VNN1: variants seen among roughly 807,000 people sequenced by gnomAD.
VNN1 encodes vanin 1.
VNN1 carries 29 observed loss-of-function variants against 41.9 expected under a neutral mutation model. The observed-to-expected ratio is 0.69, with a 90% CI of 0.52 to 0.94. The LOEUF (loss-of-function observed/expected upper bound fraction) is 0.94. VNN1 is among the 40% of genes least tolerant of loss of function. The probability of loss-of-function intolerance (pLI) is 0.00; values close to 1 mark genes in which losing one functional copy is unlikely to be tolerated. For missense variants in VNN1, 637 were observed against 621.1 expected (o/e 1.03, Z -0.27); for synonymous variants, 233 against 224.4 (o/e 1.04, Z -0.34).
At chr6:132,689,974 T>C (rs73559747) in intron 5 of VNN1, among the ~76,000 whole-genome samples, 4,237 of 152,272 alleles carry the variant, frequency 0.028, 195 homozygotes, top group African/African-American at 0.097. Flanking sequence ...TTGCCAGAAA[T>C]CTGCCACATT....
Position 132,713,987 on chromosome 6 carries a change from A to G in VNN1, c.49T>C (p.Ser17Pro). ...AYVAILLFYV[S>P]RASCQDTFTA... ...AAAGTGTCCTGGCAGCTGGCTCTTGAGACATAGAAAAGCAAAATTGCCACG... is the reference window on the plus strand; with the variant it reads ...AAAGTGTCCTGGCAGCTGGCTCTTGGGACATAGAAAAGCAAAATTGCCACG... The change falls in exon 1 of 7, where the codon TCA becomes CCA. Residue 17 changes from serine to proline, a missense_variant. Physicochemically the swap from Ser to Pro is moderately conservative, Grantham distance 74. Coordinates refer to ENST00000367928, the MANE Select transcript of VNN1 (RefSeq NM_004666.3). 6.2e-7 allele frequency: 1 copy of G among 1,614,118 alleles called. No homozygotes were observed. Among genetic ancestry groups the G allele is most frequent in the African/African-American group, 1.3e-5 (1 of 75,036 alleles).
rs569304345 is a variant in VNN1 at position 132,711,522 on chromosome 6, G to A, written c.341+187C>T. 7.9e-5 allele frequency among the ~76,000 whole-genome samples: 12 copies of A among 152,260 alleles called. No individual in the cohort carries two copies. The South Asian group carries it at 2.5e-3, about 32-fold the overall frequency. Reference sequence around the variant, plus strand: ...GTGATGATTTCTAAGCTACTTTCTAGCTCTGACTTCTGTGACTTCATAATT... The same window carrying A: ...GTGATGATTTCTAAGCTACTTTCTAACTCTGACTTCTGTGACTTCATAATT... On this transcript the variant is annotated intron_variant, in intron 2 of 6. Transcript: ENST00000367928.
chr6:132,692,792 T>C (rs1260254707), intron 4 of VNN1, among the ~76,000 whole-genome samples: 1 of 152,110 alleles, frequency 6.6e-6, no homozygotes, highest in Non-Finnish European at 1.5e-5. Flanking sequence ...GGGAGAGTTG[T>C]ATGTAAGAAG....
Position 132,682,947 on chromosome 6 carries a change from G to GT in VNN1, c.*192dup. 1 of 404,056 alleles carries GT rather than the reference G, an allele frequency of 2.5e-6. No individual in the cohort carries two copies. Among genetic ancestry groups the GT allele is most frequent in the Non-Finnish European group, 4.2e-6 (1 of 240,848 alleles). 25.0% of individuals were successfully genotyped at this position (404,056 alleles called of 1,614,324 possible). A position where few individuals can be genotyped will look rare whatever the true frequency, so the allele number is the denominator to read the frequency against. The stretch of plus-strand genomic sequence containing the variant: ...CAAGAAAGACCAATGTTCAAATATA[G>GT]TTTTTTAAATAAAATCTACATTAAC... On this transcript the variant is annotated 3_prime_UTR_variant, in exon 7 of 7. Transcript: ENST00000367928.
intron 2 of VNN1, among the ~76,000 whole-genome samples, chr6:132,708,413 A>G (rs1238450281): frequency 6.6e-6 from 1 of 152,204 alleles, no homozygotes; most frequent in East Asian, 1.9e-4. Flanking sequence ...CTGGAACGAT[A>G]TGACATATAA....
chr6:132,702,933 C>A (rs1191047732), intron 2 of VNN1, among the ~76,000 whole-genome samples: 1 of 152,106 alleles, frequency 6.6e-6, no homozygotes. Context: ...CAGGTGTGAC[C>A]CAGCACATTC....
At position 132,683,272 on chromosome 6, in the gene VNN1, G is replaced by T. The variant is rs546769570; in HGVS notation, c.1410C>A (p.Val470=). The T allele has an allele frequency of 1.2e-6, 2 of 1,614,048 alleles. No homozygotes were observed. The highest frequency in any genetic ancestry group is 2.2e-5 in the South Asian group (2 of 91,080). ...ACCTCCCAAACAGAGTTACTGTTAA[G>T]ACAGGTCCGGATGTTGGCTTCAGAC... ...LFSLKPTSGP[V]LTVTLFGRLY... is the part of the protein sequence containing the mutation. Residue 470 remains valine, a synonymous_variant, in exon 7 of 7, where the codon GTC becomes GTA. Coordinates refer to ENST00000367928, the MANE Select transcript of VNN1 (RefSeq NM_004666.3).
intron 2 of VNN1, among the ~76,000 whole-genome samples, chr6:132,708,265 C>T (rs1249360751): frequency 6.6e-6 from 1 of 152,284 alleles, no homozygotes; most frequent in Admixed American, 6.5e-5. Flanking sequence ...TACTTAACAT[C>T]CAGTTGTAAT....
intron 2 of VNN1, among the ~76,000 whole-genome samples, chr6:132,704,460 C>A (rs1008466557): frequency 6.6e-6 from 1 of 151,972 alleles, no homozygotes; most frequent in African/African-American, 2.4e-5. Context: ...TCCTGAATTA[C>A]CAGCAGGTTA....
At chr6:132,711,544 A>G (rs554705333) in intron 2 of VNN1, among the ~76,000 whole-genome samples, 165 bp downstream of exon 2, 1 of 152,328 alleles carries the variant, frequency 6.6e-6, no homozygotes, top group Admixed American at 6.5e-5. Context: ...GTGACTTCAT[A>G]ATTCATATTT....
intron 6 of VNN1, among the ~76,000 whole-genome samples, chr6:132,683,523 C>A (rs1175118759): frequency 6.6e-6 from 1 of 152,066 alleles, no homozygotes; most frequent in Non-Finnish European, 1.5e-5. Context: ...GTGAGATGCC[C>A]GTAATCAATG....
At chr6:132,710,313 G>T (rs1778580946) in intron 2 of VNN1, among the ~76,000 whole-genome samples, 1 of 152,128 alleles carries the variant, frequency 6.6e-6, no homozygotes, top group Non-Finnish European at 1.5e-5. Context: ...GCCTCCCAAA[G>T]TGTTGGAATT....
At chr6:132,684,302 T>A in intron 6 of VNN1, 33 bp downstream of exon 6, 1 of 1,590,606 alleles carries the variant, frequency 6.3e-7, no homozygotes, top group Non-Finnish European at 8.6e-7. Flanking sequence ...TCCTCTTACA[T>A]GAAACTAATT....
intron 2 of VNN1, among the ~76,000 whole-genome samples, chr6:132,710,601 T>C (rs566974648): frequency 6.6e-6 from 1 of 152,264 alleles, no homozygotes; most frequent in East Asian, 1.9e-4. Flanking sequence ...CAACTCCCAC[T>C]TATGAGCGAG....
rs368050200 is a variant in VNN1 at position 132,691,881 on chromosome 6, G to A, written c.1188+342C>T. Among the ~76,000 whole-genome samples, 7 of 151,896 alleles carry A rather than the reference G, an allele frequency of 4.6e-5. No homozygotes were observed. In the East Asian group the frequency reaches 5.8e-4, roughly 13 times the overall value. ...AAATTAGCCAGGCATGGTGGCACTC[G>A]CCTGTAGTCCCAGCTACTTGGGAGG... On this transcript the variant is annotated intron_variant, in intron 5 of 6. Coordinates refer to ENST00000367928, the MANE Select transcript of VNN1 (RefSeq NM_004666.3).
rs555317883 is a variant in VNN1, at chr6:132,698,228, A to G, written c.342-4046T>C. On this transcript the variant is annotated intron_variant, in intron 2 of 6. Coordinates refer to ENST00000367928, the MANE Select transcript of VNN1 (RefSeq NM_004666.3). ...GGCACAGAAGGAGGAGGTGAAAGAG[A>G]ATAATTGAAATGCATTTTCTAAGGC... Among the ~76,000 whole-genome samples, 4 of 152,368 alleles carry G rather than the reference A, an allele frequency of 2.6e-5. No homozygotes were observed. The East Asian group carries it at 5.8e-4, about 22-fold the overall frequency.
At chr6:132,695,909 T>G (rs1778363631) in intron 2 of VNN1, among the ~76,000 whole-genome samples, 1 of 151,974 alleles carries the variant, frequency 6.6e-6, no homozygotes, top group Non-Finnish European at 1.5e-5. Flanking sequence ...TGTGATAAGA[T>G]TCAAATGTCT....
intron 5 of VNN1, among the ~76,000 whole-genome samples, chr6:132,691,005 A>T (rs1381048653): frequency 6.6e-6 from 1 of 152,194 alleles, no homozygotes; most frequent in East Asian, 1.9e-4. Flanking sequence ...CTCGCCACGG[A>T]TAAAGGACCA....
intron 2 of VNN1, among the ~76,000 whole-genome samples, chr6:132,704,102 A>G (rs548676585): frequency 6.6e-6 from 1 of 152,270 alleles, no homozygotes; most frequent in Non-Finnish European, 1.5e-5. Context: ...TCCCAATGCA[A>G]TAATAGCTGG....
Sources: gnomAD v4.1 joint callset for allele counts (sites outside exome capture counted in the v4.1 genomes callset) on GRCh38, gnomAD v4.1.1 for gene constraint, MANE v1.5 for transcripts, NCBI Gene and HGNC (gene_info 2026-07-23, HGNC 2026-07-21) for gene names.